Variants in RAPGEF1 observed in about 807,000 individuals in gnomAD.
RAPGEF1 encodes the protein Rap guanine nucleotide exchange factor 1, also known as CRK SH3-binding GNRP.
Under a neutral mutation model 143.3 loss-of-function variants are expected in RAPGEF1, and 33 were observed. The observed-to-expected ratio is 0.23, with a 90% CI of 0.17 to 0.31. The LOEUF (loss-of-function observed/expected upper bound fraction) is 0.31, where lower values mean the gene tolerates loss of function less well. Among genes scored for constraint, RAPGEF1 ranks in the 10% least tolerant of loss-of-function variants. The pLI is 1.00. For synonymous variants in RAPGEF1, 629 were observed against 676.5 expected, an observed-to-expected ratio of 0.93 and a Z score of 1.09; for missense variants, 1,199 against 1,645.4, an observed-to-expected ratio of 0.73 and a Z score of 4.69.
chr9:131,657,142 C>G (rs922553356), intron 1 of RAPGEF1, among the ~76,000 whole-genome samples: 1 of 152,190 alleles, frequency 6.6e-6, no homozygotes, highest in Non-Finnish European at 1.5e-5. Context: ...TGAGGAGGTA[C>G]TATAATGCTT....
chr9:131,699,738 A>T (rs1042871033), intron 1 of RAPGEF1, among the ~76,000 whole-genome samples: 1 of 152,086 alleles, frequency 6.6e-6, no homozygotes, highest in African/African-American at 2.4e-5. Flanking sequence ...CCTTCCTGGA[A>T]GGTCTTTCGA....
Position 131,667,178 on chromosome 9 carries a change from T to G in RAPGEF1, c.62-16229A>C, listed in dbSNP as rs1195491741. ...CTAAGTTTTGTATTTTTAGTAGAGA[T>G]GGGGTTTCACCATGTTGGTCAGGCT... On this transcript the variant is annotated intron_variant, in intron 1 of 26. Transcript: ENST00000683357. The surrounding 1 kb of genome is among the most constrained non-coding windows in gnomAD (Gnocchi z 4.6). Among the ~76,000 whole-genome samples, 2 of 151,880 alleles carry G rather than the reference T, an allele frequency of 1.3e-5. No individual in the cohort carries two copies. Among genetic ancestry groups the G allele is most frequent in the African/African-American group, 2.4e-5 (1 of 41,308 alleles).
Position 131,584,113 on chromosome 9 carries a change from G to T in RAPGEF1, c.3414+198C>A, listed in dbSNP as rs60792490. On this transcript the variant is annotated intron_variant, in intron 24 of 26. Coordinates refer to ENST00000683357, the MANE Select transcript of RAPGEF1 (RefSeq NM_001377935.1). This position sits in a 1 kb window ranked among gnomAD's most constrained non-coding sequence, Gnocchi z 6.8. ...CCCCAGAACCAACCTCGAAGCTCCC[G>T]GGGGCCTGAAGATTGGGGATCAGAG... 0.18 allele frequency among the ~76,000 whole-genome samples: 28,011 copies of T among 152,174 alleles called. 3,366 individuals are homozygous for T. Among genetic ancestry groups the T allele is most frequent in the Middle Eastern group, 0.34 (100 of 292 alleles).
At chr9:131,674,575 C>A (rs1798804354) in intron 1 of RAPGEF1, among the ~76,000 whole-genome samples, 1 of 152,198 alleles carries the variant, frequency 6.6e-6, no homozygotes, top group Non-Finnish European at 1.5e-5. Flanking sequence ...CGTTGCCCTG[C>A]ATTGTTTTGG....
rs1178980348 is a variant in RAPGEF1 at position 131,739,750 on chromosome 9, GC to G, written c.61+19del. On this transcript the variant is annotated intron_variant, in intron 1 of 26. Transcript: ENST00000683357. ...GGGCCGGGCCCGGCCGGAGGGAGCC[GC>G]CCCACGCCCGCGCCTCACCTGCTTT... The G allele has an allele frequency of 2.5e-5, 28 of 1,134,102 alleles. No homozygotes were observed. In the Admixed American group the frequency reaches 5.6e-4, roughly 23 times the overall value. 70.3% of individuals were successfully genotyped at this position (1,134,102 alleles called of 1,614,324 possible). A position where few individuals can be genotyped will look rare whatever the true frequency, so the allele number is the denominator to read the frequency against.
intron 10 of RAPGEF1, among the ~76,000 whole-genome samples, chr9:131,622,896 T>C (rs1961628223): frequency 6.6e-6 from 1 of 151,988 alleles, no homozygotes; most frequent in African/African-American, 2.4e-5. Flanking sequence ...GTCTACTGAG[T>C]AGCTGGGATT....
chr9:131,630,984 T>G (rs1169210437), intron 5 of RAPGEF1, among the ~76,000 whole-genome samples: 1 of 151,904 alleles, frequency 6.6e-6, no homozygotes, highest in African/African-American at 2.4e-5. Flanking sequence ...TTTCCCAGTT[T>G]GATGAGTTTT....
At chr9:131,719,361 C>G (rs932646605) in intron 1 of RAPGEF1, among the ~76,000 whole-genome samples, 3 of 152,108 alleles carry the variant, frequency 2.0e-5, no homozygotes, top group African/African-American at 7.2e-5. Flanking sequence ...GAAGCATGAA[C>G]TGGAAGCAGA....
intron 1 of RAPGEF1, among the ~76,000 whole-genome samples, chr9:131,693,665 A>G (rs1253334452): frequency 5.3e-5 from 8 of 152,116 alleles, no homozygotes; most frequent in Non-Finnish European, 1.0e-4. Flanking sequence ...AGTGTTTCTC[A>G]ATTCTGGAAT....
intron 22 of RAPGEF1, among the ~76,000 whole-genome samples, chr9:131,586,816 A>ACC (rs1420723214): frequency 2.6e-5 from 3 of 115,062 alleles, no homozygotes; most frequent in East Asian, 2.5e-4. Flanking sequence ...ACACACACAC[A>ACC]CCTGCAGAGC....
chr9:131,640,486 G>C (rs1383158447), intron 4 of RAPGEF1, among the ~76,000 whole-genome samples: 1 of 152,234 alleles, frequency 6.6e-6, no homozygotes, highest in Non-Finnish European at 1.5e-5. Flanking sequence ...CCTGTGTCAA[G>C]GGGCTAAGAC....
intron 1 of RAPGEF1, among the ~76,000 whole-genome samples, chr9:131,693,390 G>A (rs1420550751): frequency 6.6e-6 from 1 of 152,078 alleles, no homozygotes; most frequent in Non-Finnish European, 1.5e-5. Flanking sequence ...TGTCACTCAC[G>A]CTCAAGTTCC....
In RAPGEF1 at chr9:131,654,275, T is replaced by G. The variant is rs568305538; in HGVS notation, c.62-3326A>C. Among the ~76,000 whole-genome samples, 35 of 152,344 alleles carry G rather than the reference T, an allele frequency of 2.3e-4. 1 individual carries two copies. The South Asian group carries it at 7.3e-3, about 32-fold the overall frequency. ...CTGTACCCTTTTTGAATGAATTGTA[T>G]GATATGTGAATTATATATCAATAAA... is the stretch of plus-strand genomic sequence containing the variant. On this transcript the variant is annotated intron_variant, in intron 1 of 26. Transcript: ENST00000683357.
rs561383025 is a variant in RAPGEF1, at chr9:131,641,334, T to A, written c.494+1905A>T. Reference sequence around the variant, plus strand: ...TACCCTCTGCCCATGACTGCCCGAGTCGCCGCCCTCCCCTCCCCGGGATAC... The same window carrying A: ...TACCCTCTGCCCATGACTGCCCGAGACGCCGCCCTCCCCTCCCCGGGATAC... On this transcript the variant is annotated intron_variant, in intron 4 of 26. Transcript: ENST00000683357. The surrounding 1 kb of genome is among the most constrained non-coding windows in gnomAD (Gnocchi z 4.6). Among the ~76,000 whole-genome samples, 14 of 152,120 alleles carry A rather than the reference T, an allele frequency of 9.2e-5. No individual in the cohort carries two copies. Among genetic ancestry groups the A allele is most frequent in the East Asian group, 7.8e-4 (4 of 5,160 alleles).
chr9:131,625,046 T>C (rs1195545603), intron 10 of RAPGEF1, among the ~76,000 whole-genome samples: 1 of 152,264 alleles, frequency 6.6e-6, no homozygotes, highest in East Asian at 1.9e-4. Flanking sequence ...TCAGAAGCTC[T>C]CATTTGGGAA....
At chr9:131,620,810 T>G (rs993122624) in intron 11 of RAPGEF1, among the ~76,000 whole-genome samples, 1 of 152,214 alleles carries the variant, frequency 6.6e-6, no homozygotes, top group Non-Finnish European at 1.5e-5. Context: ...CAGGGACATT[T>G]GTCCTCCAGT....
intron 1 of RAPGEF1, among the ~76,000 whole-genome samples, chr9:131,698,738 G>C (rs1440286529): frequency 6.6e-6 from 1 of 152,154 alleles, no homozygotes; most frequent in East Asian, 1.9e-4. Flanking sequence ...CCGACCAGGT[G>C]AGCAACCCCA....
chr9:131,703,815 C>A (rs1834846604), intron 1 of RAPGEF1, among the ~76,000 whole-genome samples: 1 of 152,186 alleles, frequency 6.6e-6, no homozygotes, highest in Non-Finnish European at 1.5e-5. Flanking sequence ...GCACAGCCTG[C>A]AAAGGGTCCT....
In RAPGEF1 at chr9:131,603,984, C is replaced by A; in HGVS notation, c.2389G>T (p.Glu797Ter). The A allele has an allele frequency of 7.5e-7, 1 of 1,333,182 alleles. No homozygotes were observed. Among genetic ancestry groups the A allele is most frequent in the South Asian group, 1.2e-5 (1 of 83,606 alleles). The allele number at this position is 1,333,182 out of a possible 1,614,324, so 82.6% of individuals were successfully genotyped here. The change falls in exon 14 of 27, where the codon GAG (glutamate) becomes TAG (stop). Residue 797 changes from glutamate to a stop codon, truncating the protein, a stop_gained. Coordinates refer to ENST00000683357, the MANE Select transcript of RAPGEF1 (RefSeq NM_001377935.1). LOFTEE classifies it high-confidence loss of function. ...VNLYSSGQSS[E>*]ELAPSRGEPP... ...ACTCCTCGAGAGGGAGCCAGCTCCT[C>A]GCTGCTCTGGCCAGAGGAATACAGA...
Sources: gnomAD v4.1 joint callset for allele counts (sites outside exome capture counted in the v4.1 genomes callset) on GRCh38, gnomAD v4.1.1 for gene constraint, Gnocchi (gnomAD v3.1) non-coding constraint, MANE v1.5 for transcripts, NCBI Gene and HGNC (gene_info 2026-07-23, HGNC 2026-07-21) for gene names.